Variants in SPATA16 observed in about 807,000 individuals in gnomAD.
SPATA16 encodes spermatogenesis associated 16.
A neutral mutation model predicts 63.3 loss-of-function variants in SPATA16; 36 were observed. The ratio of observed to expected loss-of-function variants is 0.57; its 90% confidence interval spans 0.44 to 0.75. The LOEUF is 0.75. Among genes scored for constraint, SPATA16 ranks in the 30% least tolerant of loss-of-function variants. SPATA16 has a pLI of 0.00. For missense variants in SPATA16, 646 were observed against 679.3 expected, an observed-to-expected ratio of 0.95 and a Z score of 0.54; for synonymous variants, 203 against 216.7, an observed-to-expected ratio of 0.94 and a Z score of 0.56.
intron 2 of SPATA16, among the ~76,000 whole-genome samples, chr3:173,070,601 A>C (rs1236803768): frequency 6.6e-6 from 1 of 152,222 alleles, no homozygotes; most frequent in East Asian, 1.9e-4. Flanking sequence ...TAGAACTGAT[A>C]AGCAAATTCA....
chr3:173,094,216 T>G (rs536971080), intron 2 of SPATA16, among the ~76,000 whole-genome samples: 12 of 152,272 alleles, frequency 7.9e-5, no homozygotes, highest in African/African-American at 2.9e-4. Context: ...CTGCATTCTT[T>G]TCTGTATATT....
At chr3:173,093,207 G>C (rs1737268440) in intron 2 of SPATA16, among the ~76,000 whole-genome samples, 1 of 151,854 alleles carries the variant, frequency 6.6e-6, no homozygotes, top group African/African-American at 2.4e-5. Flanking sequence ...ATGAAATGGT[G>C]GTGTTAGAAG....
intron 4 of SPATA16, among the ~76,000 whole-genome samples, chr3:173,004,999 A>G (rs1294186063): frequency 2.6e-5 from 4 of 152,224 alleles, no homozygotes; most frequent in African/African-American, 9.6e-5. Context: ...TCTATGCTTA[A>G]TTGGTTCTCT....
In SPATA16 at chr3:172,889,541, T is replaced by A. The variant is rs1287601899; in HGVS notation, c.*29A>T. 6.2e-7 allele frequency: 1 copy of A among 1,613,002 alleles called. No individual in the cohort carries two copies. The highest frequency in any genetic ancestry group is 8.5e-7 in the Non-Finnish European group (1 of 1,179,742). On this transcript the variant is annotated 3_prime_UTR_variant, in exon 11 of 11. Transcript: ENST00000351008. ...TGCCCTTGCCTCTTCTTCTGGGATA[T>A]CTTAGTGGTAGTGCCTGCTCCCTAA...
chr3:173,115,192 C>T (rs1041757735), intron 2 of SPATA16, among the ~76,000 whole-genome samples: 1 of 152,188 alleles, frequency 6.6e-6, no homozygotes, highest in African/African-American at 2.4e-5. Flanking sequence ...TAATTTTGAA[C>T]ACAGGGTTTT....
chr3:173,084,639 T>A (rs528140942), intron 2 of SPATA16, among the ~76,000 whole-genome samples: 85 of 152,302 alleles, frequency 5.6e-4, no homozygotes, highest in South Asian at 2.3e-3. Context: ...TACTAGAGTT[T>A]TTATAGTTTT....
chr3:173,126,637 TTAA>T (rs2108344612), intron 1 of SPATA16, among the ~76,000 whole-genome samples: 1 of 152,386 alleles, frequency 6.6e-6, no homozygotes, highest in East Asian at 1.9e-4. Flanking sequence ...GTTTGGTTTC[TTAA>T]ACTATAACTC....
intron 2 of SPATA16, among the ~76,000 whole-genome samples, chr3:173,091,863 CT>C (rs1737231330): frequency 6.6e-6 from 1 of 152,078 alleles, no homozygotes. Context: ...GTCTTTATAG[CT>C]TTTGCATGTC....
At chr3:172,954,708 G>T (rs1372688303) in intron 6 of SPATA16, among the ~76,000 whole-genome samples, 1 of 152,152 alleles carries the variant, frequency 6.6e-6, no homozygotes, top group Non-Finnish European at 1.5e-5. Flanking sequence ...CTCCAAGGCT[G>T]TGCACATACA....
At chr3:173,033,580 C>T (rs908635522) in intron 3 of SPATA16, among the ~76,000 whole-genome samples, 2 of 152,128 alleles carry the variant, frequency 1.3e-5, no homozygotes, top group Admixed American at 6.6e-5. Flanking sequence ...TAAGGCCCTA[C>T]ACATCTGTCT....
chr3:173,049,764 A>G (rs1736040422), intron 2 of SPATA16, among the ~76,000 whole-genome samples: 1 of 152,164 alleles, frequency 6.6e-6, no homozygotes, highest in Non-Finnish European at 1.5e-5. Context: ...GTTTCTGGGC[A>G]TCATAGATAA....
At chr3:173,017,837 A>G (rs1735227634) in intron 4 of SPATA16, among the ~76,000 whole-genome samples, 1 of 152,222 alleles carries the variant, frequency 6.6e-6, no homozygotes, top group Admixed American at 6.5e-5. Flanking sequence ...TGAACTTACT[A>G]GCTTCATTTG....
intron 4 of SPATA16, among the ~76,000 whole-genome samples, chr3:173,005,032 G>A (rs1393584099): frequency 6.6e-6 from 1 of 152,168 alleles, no homozygotes; most frequent in Non-Finnish European, 1.5e-5. Context: ...TGTAGAAAAT[G>A]TAGAATCAGG....
intron 2 of SPATA16, among the ~76,000 whole-genome samples, chr3:173,073,112 AT>A (rs1736711684): frequency 6.6e-6 from 1 of 152,194 alleles, no homozygotes; most frequent in Non-Finnish European, 1.5e-5. Context: ...GATTTAGGGT[AT>A]CTGGTAGAAG....
chr3:173,086,581 T>C (rs1737060254), intron 2 of SPATA16, among the ~76,000 whole-genome samples: 3 of 152,106 alleles, frequency 2.0e-5, no homozygotes, highest in Admixed American at 2.0e-4. Context: ...TCTGCTAGCT[T>C]TATGGTTTGT....
intron 4 of SPATA16, among the ~76,000 whole-genome samples, chr3:172,978,915 T>C (rs975253379): frequency 1.1e-4 from 17 of 152,190 alleles, no homozygotes; most frequent in Admixed American, 1.1e-3. Context: ...GATCAAGCCA[T>C]GGTGGGCATT....
chr3:173,117,436 T>G lies in SPATA16; in HGVS notation c.296A>C (p.Lys99Thr). Residue 99 changes from lysine to threonine, a missense_variant, in exon 2 of 11, where the codon AAG (lysine) becomes ACG (threonine). By Grantham distance (78) the Lys-to-Thr change is moderately conservative. Coordinates refer to ENST00000351008, the MANE Select transcript of SPATA16 (RefSeq NM_031955.6). ...EEKPTRKKQA[K>T]ITELDNQLIT... Reference sequence around the variant, plus strand: ...TAACTGATTGTCAAGTTCTGTTATCTTTGCCTGTTTCTTTCTAGTTGGCTT... The same window carrying G: ...TAACTGATTGTCAAGTTCTGTTATCGTTGCCTGTTTCTTTCTAGTTGGCTT... The G allele has an allele frequency of 6.2e-7, 1 of 1,614,174 alleles. No homozygotes were observed. Among genetic ancestry groups the G allele is most frequent in the Non-Finnish European group, 8.5e-7 (1 of 1,180,008 alleles).
intron 2 of SPATA16, among the ~76,000 whole-genome samples, chr3:173,098,982 C>T (rs559724686): frequency 2.0e-5 from 3 of 152,118 alleles, no homozygotes; most frequent in African/African-American, 7.2e-5. Flanking sequence ...AACAAAAAAC[C>T]AAAAACCTTC....
intron 4 of SPATA16, among the ~76,000 whole-genome samples, chr3:173,004,881 A>G (rs1296938412): frequency 6.6e-6 from 1 of 152,354 alleles, no homozygotes; most frequent in African/African-American, 2.4e-5. Context: ...TCTATTTGTC[A>G]TAATTTTAGT....
Sources: allele counts gnomAD v4.1 joint callset (sites outside exome capture counted in the v4.1 genomes callset), GRCh38; gene constraint gnomAD v4.1.1; transcripts MANE v1.5; gene names NCBI Gene and HGNC (gene_info 2026-07-23, HGNC 2026-07-21).